The following TMEM183A variants were observed in gnomAD, a reference collection of about 807,000 sequenced individuals.
The protein encoded by TMEM183A is transmembrane protein 183A, also known as chromosome 1 open reading frame 37.
Under a neutral mutation model 46.7 loss-of-function variants are expected in TMEM183A, and 21 were observed. The ratio of observed to expected loss-of-function variants is 0.45; its 90% CI spans 0.32 to 0.65. The LOEUF is 0.65. Ranked by LOEUF, TMEM183A falls within the 30% of genes least tolerant of loss-of-function variation. The pLI is 0.04. For synonymous variants in TMEM183A, 165 were observed against 180.2 expected, an observed-to-expected ratio of 0.92 and a Z score of 0.68; for missense variants, 331 against 481.9, an observed-to-expected ratio of 0.69 and a Z score of 2.93.
In TMEM183A at chr1:203,022,116, G is replaced by A. The variant is rs150078601; in HGVS notation, c.946-739G>A. 7.6e-3 allele frequency among the ~76,000 whole-genome samples: 1,154 copies of A among 152,098 alleles called. 9 individuals carry two copies. Among genetic ancestry groups the A allele is most frequent in the Non-Finnish European group, 0.012 (828 of 67,992 alleles). ...GAGTCTCGCTCTGTAGTCCATGCTGGAGTGCCGTGGTGCGCAGTCTCGGCT... is the reference window on the plus strand; with the variant it reads ...GAGTCTCGCTCTGTAGTCCATGCTGAAGTGCCGTGGTGCGCAGTCTCGGCT... On this transcript the variant is annotated intron_variant, in intron 7 of 7. Transcript: ENST00000367242.
chr1:203,024,543 T>G lies in TMEM183A; in HGVS notation c.*1503T>G, dbSNP rs1658014653. ...ATTCCTAGAAAGCATCTGCTTAATTTTGCTGCTAACAGCTAACCTTATCCC... is the reference window on the plus strand; with the variant it reads ...ATTCCTAGAAAGCATCTGCTTAATTGTGCTGCTAACAGCTAACCTTATCCC... On this transcript the variant is annotated 3_prime_UTR_variant, in exon 8 of 8. Coordinates refer to ENST00000367242, the MANE Select transcript of TMEM183A (RefSeq NM_138391.6). 1 of 152,128 alleles carries G rather than the reference T, an allele frequency of 6.6e-6. No homozygotes were observed. The highest frequency in any genetic ancestry group is 6.5e-5 in the Admixed American group (1 of 15,282). 9.4% of individuals were successfully genotyped at this position (152,128 alleles called of 1,614,324 possible).
In TMEM183A at chr1:203,016,084, A is replaced by G; in HGVS notation, c.652A>G (p.Ile218Val). The change falls in exon 5 of 8, where the codon ATC becomes GTC. Residue 218 changes from isoleucine to valine, a missense_variant. This residue lies in a region of TMEM183A where 233 missense variants were observed against 385.8 expected (regional missense o/e 0.60). Coordinates refer to ENST00000367242, the MANE Select transcript of TMEM183A (RefSeq NM_138391.6). ...TATGTATGAGCCATTTGCTGCTCGA[A>G]TCTCCAAGAATCCAGCCATTCCAGA... ...YHMYEPFAAR[I>V]SKNPAIPEST... 2 of 1,614,202 alleles carry G rather than the reference A, an allele frequency of 1.2e-6. No homozygotes were observed. The highest frequency in any genetic ancestry group is 2.7e-5 in the African/African-American group (2 of 75,042).
Position 203,023,982 on chromosome 1 carries a change from A to T in TMEM183A, c.*942A>T, listed in dbSNP as rs1354289963. ...ATTCTAATCAGCCAAAAAAGTTTAG[A>T]AGATTGATGAAATGATCTTTTAAAT... On this transcript the variant is annotated 3_prime_UTR_variant, in exon 8 of 8. Coordinates refer to ENST00000367242, the MANE Select transcript of TMEM183A (RefSeq NM_138391.6). 6.6e-6 allele frequency: 1 copy of T among 152,252 alleles called. No homozygotes were observed. Among genetic ancestry groups the T allele is most frequent in the Non-Finnish European group, 1.5e-5 (1 of 68,050 alleles). 9.4% of individuals were successfully genotyped at this position (152,252 alleles called of 1,614,324 possible).
chr1:203,008,519 C>A (rs1656217612), intron 2 of TMEM183A, 124 bp from the exon 3 acceptor site: 2 of 709,040 alleles, frequency 2.8e-6, no homozygotes, highest in Non-Finnish European at 1.9e-6. Flanking sequence ...CAGATTCTCA[C>A]CTTTCTCTCT....
chr1:203,020,637 G>T (rs1403370558), intron 6 of TMEM183A, among the ~76,000 whole-genome samples, 156 bp from the exon 7 acceptor site: 1 of 152,166 alleles, frequency 6.6e-6, no homozygotes, highest in African/African-American at 2.4e-5. Flanking sequence ...TCAAAGGGTA[G>T]GTTTTCTTTG....
At position 203,024,736 on chromosome 1, in the gene TMEM183A, T is replaced by C. The variant is rs1658044595; in HGVS notation, c.*1696T>C. ...GGCAGGAGGGGAGAAGCACAGTCCC[T>C]GCCAGGTTGCCTGAACTAAAGATGC... On this transcript the variant is annotated 3_prime_UTR_variant, in exon 8 of 8. Coordinates refer to ENST00000367242, the MANE Select transcript of TMEM183A (RefSeq NM_138391.6). The C allele has an allele frequency of 6.6e-6, 1 of 152,190 alleles. No individual in the cohort carries two copies. The allele number at this position is 152,190 out of a possible 1,614,324, so 9.4% of individuals were successfully genotyped here. A position where few individuals can be genotyped will look rare whatever the true frequency, so the allele number is the denominator to read the frequency against.
Position 203,007,502 on chromosome 1 carries a change from C to G in TMEM183A, c.37C>G (p.Pro13Ala), listed in dbSNP as rs372517637. The change falls in exon 1 of 8, where the codon CCC becomes GCC. Residue 13 changes from proline to alanine, a missense_variant. Coordinates refer to ENST00000367242, the MANE Select transcript of TMEM183A (RefSeq NM_138391.6). ...RGPGPLGRPRPDTVAMPKRGK... is the reference protein window; with the variant it reads ...RGPGPLGRPRADTVAMPKRGK... Reference sequence around the variant, plus strand: ...GCCCGGCCCGCTAGGCAGGCCTCGCCCCGATACGGTCGCCATGCCCAAGAG... The same window carrying G: ...GCCCGGCCCGCTAGGCAGGCCTCGCGCCGATACGGTCGCCATGCCCAAGAG... 1.2e-5 allele frequency: 19 copies of G among 1,527,028 alleles called. No individual in the cohort carries two copies. The highest frequency in any genetic ancestry group is 2.5e-5 in the East Asian group (1 of 40,732). The allele number at this position is 1,527,028 out of a possible 1,614,324, so 94.6% of individuals were successfully genotyped here. A position where few individuals can be genotyped will look rare whatever the true frequency, so the allele number is the denominator to read the frequency against.
rs1032790369 is a variant in TMEM183A at position 203,013,440 on chromosome 1, G to A, written c.368-1449G>A. The stretch of plus-strand genomic sequence containing the variant: ...ACCTGAGAAGTATAGTGGACATCAA[G>A]GTCAAGAGAATTAATGCTAATGAGT... On this transcript the variant is annotated intron_variant, in intron 3 of 7. Coordinates refer to ENST00000367242, the MANE Select transcript of TMEM183A (RefSeq NM_138391.6). The surrounding 1 kb of genome is among the most constrained non-coding windows in gnomAD (Gnocchi z 4.0). Among the ~76,000 whole-genome samples, 11 of 152,078 alleles carry A rather than the reference G, an allele frequency of 7.2e-5. No individual in the cohort carries two copies. The highest frequency in any genetic ancestry group is 1.6e-4 in the Non-Finnish European group (11 of 68,012).
At position 203,024,720 on chromosome 1, in the gene TMEM183A, G is replaced by A. The variant is rs14197; in HGVS notation, c.*1680G>A. 0.4 allele frequency: 60,605 copies of A among 151,980 alleles called. 12,627 individuals are homozygous for A. The highest frequency in any genetic ancestry group is 0.49 in the African/African-American group (20,366 of 41,428). The allele number at this position is 151,980 out of a possible 1,614,324, so 9.4% of individuals were successfully genotyped here. ...AAAGTTGCCTCTTTGAGGCAGGAGG[G>A]GAGAAGCACAGTCCCTGCCAGGTTG... On this transcript the variant is annotated 3_prime_UTR_variant, in exon 8 of 8. Transcript: ENST00000367242.
Position 203,007,763 on chromosome 1 carries a change from C to T in TMEM183A, c.110-11C>T. On this transcript the variant is annotated splice_polypyrimidine_tract_variant and intron_variant, in intron 1 of 7. Transcript: ENST00000367242. ...AAGGCCTCTTCCTTGAGGGTTGGTG[C>T]TGTGTTGCAGTGACCGTGGCGGATT... is the stretch of plus-strand genomic sequence containing the variant. 1 of 1,613,828 alleles carries T rather than the reference C, an allele frequency of 6.2e-7. No homozygotes were observed. The highest frequency in any genetic ancestry group is 8.5e-7 in the Non-Finnish European group (1 of 1,179,792).
At chr1:203,018,655 AC>A in intron 6 of TMEM183A, 94 bp downstream of exon 6, 1 of 1,368,218 alleles carries the variant, frequency 7.3e-7, no homozygotes, top group Non-Finnish European at 1.0e-6. Context: ...CTATAACAGT[AC>A]CACAGATTCT....
At chr1:203,020,388 G>C (rs1452066022) in intron 6 of TMEM183A, among the ~76,000 whole-genome samples, 2 of 152,124 alleles carry the variant, frequency 1.3e-5, no homozygotes, top group Non-Finnish European at 2.9e-5. Flanking sequence ...TCCGAGACTT[G>C]TGATTCCTTT....
At chr1:203,020,509 G>A (rs1394148580) in intron 6 of TMEM183A, among the ~76,000 whole-genome samples, 2 of 152,182 alleles carry the variant, frequency 1.3e-5, no homozygotes, top group African/African-American at 4.8e-5. Context: ...TTCAAACATT[G>A]TAGAACCTCT....
intron 5 of TMEM183A, among the ~76,000 whole-genome samples, chr1:203,017,199 A>T (rs1310400824): frequency 6.6e-6 from 1 of 152,050 alleles, no homozygotes; most frequent in Non-Finnish European, 1.5e-5. Flanking sequence ...TTCACCCAGC[A>T]GCTGCTTCTG....
rs1216698565 is a variant in TMEM183A, at chr1:203,022,990, C to T, written c.1081C>T (p.Arg361Trp). 5.0e-6 allele frequency: 8 copies of T among 1,597,000 alleles called. No individual in the cohort carries two copies. Among genetic ancestry groups the T allele is most frequent in the East Asian group, 2.2e-5 (1 of 44,470 alleles). ...CATCCTGGACCCAGTGCACAGCGTT[C>T]GGCTCTTTGACTGGTGGCATCCTCA... ...QVILDPVHSV[R>W]LFDWWHPQYP... is the part of the protein sequence containing the mutation. The change falls in exon 8 of 8, where the codon CGG becomes TGG. Residue 361 changes from arginine (R) to tryptophan (W), a missense_variant. This residue lies in a region of TMEM183A where 233 missense variants were observed against 385.8 expected (regional missense o/e 0.60). Transcript: ENST00000367242.
intron 7 of TMEM183A, 80 bp downstream of exon 7, chr1:203,021,028 T>A: frequency 8.1e-4 from 101 of 124,762 alleles, no homozygotes; most frequent in East Asian, 1.4e-3. Context: ...ACCGCAGCTC[T>A]TTTTTTTTTT....
At chr1:203,011,360 T>C (rs960373050) in intron 3 of TMEM183A, among the ~76,000 whole-genome samples, 1 of 152,230 alleles carries the variant, frequency 6.6e-6, no homozygotes, top group Non-Finnish European at 1.5e-5. Flanking sequence ...ATTTCCCTGA[T>C]GGCTAATGAT....
Position 203,007,872 on chromosome 1 carries a change from T to A in TMEM183A, c.199+9T>A, listed in dbSNP as rs1656127769. The A allele has an allele frequency of 1.9e-6, 3 of 1,613,968 alleles. No individual in the cohort carries two copies. Among genetic ancestry groups the A allele is most frequent in the African/African-American group, 1.3e-5 (1 of 74,946 alleles). Reference sequence around the variant, plus strand: ...CGCTGTTCAGCAGGAAGGTAAGCTTTGCGCGAGCCTTTAAAGACTCATGCC... The same window carrying A: ...CGCTGTTCAGCAGGAAGGTAAGCTTAGCGCGAGCCTTTAAAGACTCATGCC... On this transcript the variant is annotated intron_variant, in intron 2 of 7. Coordinates refer to ENST00000367242, the MANE Select transcript of TMEM183A (RefSeq NM_138391.6).
At position 203,007,962 on chromosome 1, in the gene TMEM183A, CCG is replaced by C. The variant is rs1185862255; in HGVS notation, c.199+100_199+101del. On this transcript the variant is annotated intron_variant, in intron 2 of 7. Transcript: ENST00000367242. Reference sequence around the variant, plus strand: ...CAGTCCTTTAGTCGTCTTCCTGTAACCGTGTTTGCTTTCGTTAGTGTTAACTT... The same window carrying C: ...CAGTCCTTTAGTCGTCTTCCTGTAACTGTTTGCTTTCGTTAGTGTTAACTT... 2.7e-5 allele frequency: 40 copies of C among 1,463,174 alleles called. No homozygotes were observed. In the East Asian group the frequency reaches 8.4e-4, roughly 31 times the overall value. The allele number at this position is 1,463,174 out of a possible 1,614,324, so 90.6% of individuals were successfully genotyped here. A position where few individuals can be genotyped will look rare whatever the true frequency, so the allele number is the denominator to read the frequency against.
Sources: allele counts gnomAD v4.1 joint callset (sites outside exome capture counted in the v4.1 genomes callset), GRCh38; gene constraint gnomAD v4.1.1; regional missense constraint gnomAD v4.1.1; non-coding constraint Gnocchi (gnomAD v3.1); transcripts MANE v1.5; gene names NCBI Gene and HGNC (gene_info 2026-07-23, HGNC 2026-07-21).